The following SHISA9 variants were observed in gnomAD, a reference collection of about 807,000 sequenced individuals.
SHISA9 encodes the protein shisa family member 9.
A neutral mutation model predicts 38.0 loss-of-function variants in SHISA9; 13 were observed. The observed-to-expected ratio is 0.34, with a 90% CI of 0.22 to 0.54. SHISA9 has a LOEUF of 0.54. Ranked by LOEUF, SHISA9 falls within the 20% of genes least tolerant of loss-of-function variation. The pLI is 0.91. For missense variants in SHISA9, 538 were observed against 575.8 expected, an observed-to-expected ratio of 0.93 and a Z score of 0.67; for synonymous variants, 275 against 242.0, an observed-to-expected ratio of 1.14 and a Z score of -1.27.
At chr16:13,382,882 A>G in the SHISA9 span, among the ~76,000 whole-genome samples, 1 of 152,186 alleles carries the variant, frequency 6.6e-6, no homozygotes, top group South Asian at 2.1e-4. Context: ...AACAAAGTAA[A>G]TTTAAAAAAT....
the SHISA9 span, among the ~76,000 whole-genome samples, chr16:13,359,113 C>CCAGTTTTAGATTCTG: frequency 2.0e-5 from 3 of 152,194 alleles, no homozygotes; most frequent in East Asian, 3.9e-4. Context: ...TTTAGATTCT[C>CCAGTTTTAGATTCTG]CAGAAGAATG....
intron 2 of SHISA9, among the ~76,000 whole-genome samples, chr16:12,976,156 C>T (rs981002049): frequency 2.0e-5 from 3 of 152,066 alleles, no homozygotes; most frequent in African/African-American, 7.2e-5. Context: ...GGCGTGATCC[C>T]GGCTCACTGT....
At chr16:13,340,965 A>C in the SHISA9 span, among the ~76,000 whole-genome samples, 1 of 152,148 alleles carries the variant, frequency 6.6e-6, no homozygotes, top group Non-Finnish European at 1.5e-5. Flanking sequence ...AAATTTGTCT[A>C]CTGTGGGTTT....
chr16:13,464,769 T>C, the SHISA9 span, among the ~76,000 whole-genome samples: 2 of 152,178 alleles, frequency 1.3e-5, no homozygotes, highest in Non-Finnish European at 2.9e-5. Context: ...ATTCACATAG[T>C]TAGTAGCCCT....
At chr16:13,155,448 G>A (rs1173756200) in intron 2 of SHISA9, among the ~76,000 whole-genome samples, 1 of 152,206 alleles carries the variant, frequency 6.6e-6, no homozygotes, top group South Asian at 2.1e-4. Flanking sequence ...CTGCTCTTAA[G>A]TAGTCAACAT....
At chr16:13,083,724 G>T (rs1257901578) in intron 2 of SHISA9, among the ~76,000 whole-genome samples, 3 of 152,308 alleles carry the variant, frequency 2.0e-5, no homozygotes, top group East Asian at 1.9e-4. Context: ...TCTATGGGCT[G>T]CTTCAGGGGG....
intron 2 of SHISA9, among the ~76,000 whole-genome samples, chr16:13,138,292 T>G (rs974598869): frequency 1.3e-5 from 2 of 152,318 alleles, no homozygotes; most frequent in Admixed American, 1.3e-4. Flanking sequence ...AACTCATAGA[T>G]TGGAACTTGA....
At chr16:13,525,686 T>C in the SHISA9 span, among the ~76,000 whole-genome samples, 1 of 152,248 alleles carries the variant, frequency 6.6e-6, no homozygotes, top group African/African-American at 2.4e-5. Context: ...ATAAGAAATA[T>C]CTGTAAAAAT....
chr16:13,148,104 G>A (rs539443511), intron 2 of SHISA9, among the ~76,000 whole-genome samples: 14 of 152,168 alleles, frequency 9.2e-5, no homozygotes, highest in African/African-American at 2.9e-4. Flanking sequence ...CACTGTTCAC[G>A]GCATGCACAC....
chr16:13,267,701 T>C, the SHISA9 span, among the ~76,000 whole-genome samples: 1 of 152,158 alleles, frequency 6.6e-6, no homozygotes, highest in African/African-American at 2.4e-5. Flanking sequence ...TATAAGCAAC[T>C]AGTAGTGGGT....
chr16:13,092,403 T>C (rs1390238511), intron 2 of SHISA9, among the ~76,000 whole-genome samples: 1 of 152,210 alleles, frequency 6.6e-6, no homozygotes, highest in Non-Finnish European at 1.5e-5. Context: ...CTGCTGCCTT[T>C]TGTTCAGCTA....
chr16:13,377,498 C>G, the SHISA9 span, among the ~76,000 whole-genome samples: 1 of 152,188 alleles, frequency 6.6e-6, no homozygotes, highest in African/African-American at 2.4e-5. Flanking sequence ...CTAGGCCATG[C>G]TGAGCAGAGA....
the SHISA9 span, among the ~76,000 whole-genome samples, chr16:13,431,865 A>G: frequency 6.6e-6 from 1 of 152,182 alleles, no homozygotes; most frequent in East Asian, 1.9e-4. Flanking sequence ...GTTCGAGACC[A>G]GCCTGGCCAA....
At chr16:13,347,726 G>A in the SHISA9 span, among the ~76,000 whole-genome samples, 2 of 152,130 alleles carry the variant, frequency 1.3e-5, no homozygotes, top group African/African-American at 4.8e-5. Flanking sequence ...TGTCTGGCCT[G>A]TCTTCATTCT....
chr16:13,189,712 A>G (rs2050864189), intron 2 of SHISA9, among the ~76,000 whole-genome samples: 1 of 152,208 alleles, frequency 6.6e-6, no homozygotes, highest in Non-Finnish European at 1.5e-5. Context: ...GGGAAAACAT[A>G]AAGGAGAGCA....
At chr16:13,011,688 A>AT (rs1309476075) in intron 2 of SHISA9, among the ~76,000 whole-genome samples, 3 of 151,770 alleles carry the variant, frequency 2.0e-5, no homozygotes, top group Non-Finnish European at 4.4e-5. Context: ...TGCCTGGCTA[A>AT]TTTTTTGTAT....
At chr16:13,505,888 G>A in the SHISA9 span, among the ~76,000 whole-genome samples, 1 of 152,072 alleles carries the variant, frequency 6.6e-6, no homozygotes, top group Admixed American at 6.6e-5. Flanking sequence ...TTTTTCTGAG[G>A]CATTCGATTG....
chr16:13,212,005 C>A (rs951537459), intron 3 of SHISA9, among the ~76,000 whole-genome samples: 2 of 152,132 alleles, frequency 1.3e-5, no homozygotes, highest in Non-Finnish European at 2.9e-5. Context: ...CTCCAATTGT[C>A]CCTCTTGTGA....
the SHISA9 span, among the ~76,000 whole-genome samples, chr16:13,415,729 A>G: frequency 1.2e-4 from 18 of 152,306 alleles, no homozygotes; most frequent in African/African-American, 4.3e-4. Flanking sequence ...AGCTATGGAT[A>G]TGATTATTTT....
Sources: allele counts gnomAD v4.1 joint callset (sites outside exome capture counted in the v4.1 genomes callset), GRCh38; gene constraint gnomAD v4.1.1; transcripts MANE v1.5; gene names NCBI Gene and HGNC (gene_info 2026-07-23, HGNC 2026-07-21).